Variants in QNG1 observed in about 807,000 individuals in gnomAD.
QNG1 encodes the protein Q-nucleotide N-glycosylase 1, also known as queuosine 5'-phosphate N-glycosylase/hydrolase.
chr9:83,955,464 G>C, the QNG1 span: 6 of 1,613,980 alleles, frequency 3.7e-6, no homozygotes, highest in Middle Eastern at 1.6e-4. Context: ...TCACTTTCTC[G>C]GACGCAGTTG....
the QNG1 span, chr9:83,939,472 A>G: frequency 7.3e-7 from 1 of 1,368,234 alleles, no homozygotes. Context: ...TATGATATAA[A>G]ACGCAGGGGG....
chr9:83,953,794 G>C, the QNG1 span: 1 of 1,548,468 alleles, frequency 6.5e-7, no homozygotes, highest in Non-Finnish European at 8.7e-7. Context: ...ACAAAATCCG[G>C]GTGCAGCCTG....
the QNG1 span, among the ~76,000 whole-genome samples, chr9:83,940,271 G>C: frequency 6.6e-6 from 1 of 151,950 alleles, no homozygotes; most frequent in Non-Finnish European, 1.5e-5. Context: ...CAGGCATGGT[G>C]GTATGTGCCT....
the QNG1 span, among the ~76,000 whole-genome samples, chr9:83,949,697 T>G: frequency 1.3e-5 from 2 of 151,736 alleles, no homozygotes; most frequent in Non-Finnish European, 2.9e-5. Flanking sequence ...ACATAAGACT[T>G]AACTTATAAA....
the QNG1 span, among the ~76,000 whole-genome samples, chr9:83,950,866 T>C: frequency 6.6e-6 from 1 of 152,108 alleles, no homozygotes; most frequent in Non-Finnish European, 1.5e-5. Flanking sequence ...CTCCCAAGGT[T>C]CTAGGATTAC....
the QNG1 span, among the ~76,000 whole-genome samples, chr9:83,949,030 A>G: frequency 4.1e-5 from 5 of 121,078 alleles, no homozygotes; most frequent in East Asian, 1.1e-3. Context: ...CCTTCCCTCC[A>G]CTATTGTCGA....
At chr9:83,943,424 C>T in the QNG1 span, among the ~76,000 whole-genome samples, 1 of 144,690 alleles carries the variant, frequency 6.9e-6, no homozygotes, top group Admixed American at 7.0e-5. Context: ...ACAGTGTGTA[C>T]AAAACAAAAA....
chr9:83,944,916 C>G, the QNG1 span: 2 of 1,613,984 alleles, frequency 1.2e-6, no homozygotes, highest in African/African-American at 2.7e-5. Context: ...GCAGCCATCT[C>G]CTTTTCCTTC....
chr9:83,952,947 G>C, the QNG1 span, among the ~76,000 whole-genome samples: 2 of 149,274 alleles, frequency 1.3e-5, no homozygotes, highest in Admixed American at 6.7e-5. Context: ...GTGACAGAGT[G>C]AGACTCTGTC....
At chr9:83,955,729 A>G in the QNG1 span, 1 of 1,252,892 alleles carries the variant, frequency 8.0e-7, no homozygotes, top group Non-Finnish European at 1.1e-6. Flanking sequence ...TTAATATGAA[A>G]CCAAATGAGT....
chr9:83,947,783 G>A, the QNG1 span, among the ~76,000 whole-genome samples: 1 of 152,344 alleles, frequency 6.6e-6, no homozygotes, highest in South Asian at 2.1e-4. Flanking sequence ...CCGAGGTGCC[G>A]GGATTGCAGA....
the QNG1 span, among the ~76,000 whole-genome samples, chr9:83,951,661 G>GT: frequency 2.0e-5 from 3 of 152,294 alleles, no homozygotes; most frequent in East Asian, 1.9e-4. Flanking sequence ...CACAGTAACA[G>GT]TAATAGTCAT....
At chr9:83,955,712 C>A in the QNG1 span, 2 of 1,432,844 alleles carry the variant, frequency 1.4e-6, no homozygotes, top group South Asian at 1.2e-5. Flanking sequence ...GCTTTTACAA[C>A]ATGGAATTAA....
the QNG1 span, chr9:83,956,270 G>C: frequency 9.3e-6 from 15 of 1,614,034 alleles, no homozygotes; most frequent in Middle Eastern, 3.3e-4. Context: ...CCGACCAAAA[G>C]GAGAAGTTGA....
the QNG1 span, among the ~76,000 whole-genome samples, chr9:83,951,237 G>A: frequency 1.3e-5 from 2 of 151,336 alleles, no homozygotes; most frequent in Admixed American, 6.6e-5. Flanking sequence ...GCCATTGCAC[G>A]CCAGCAAGAC....
At chr9:83,940,056 ATGAC>A in the QNG1 span, among the ~76,000 whole-genome samples, 1 of 152,164 alleles carries the variant, frequency 6.6e-6, no homozygotes, top group Non-Finnish European at 1.5e-5. Flanking sequence ...ATTTAAAACT[ATGAC>A]TGCTAGTTAT....
the QNG1 span, among the ~76,000 whole-genome samples, chr9:83,945,534 C>T: frequency 1.3e-5 from 2 of 152,102 alleles, no homozygotes; most frequent in South Asian, 2.1e-4. Context: ...AATCTTGATA[C>T]TACTTACTAT....
chr9:83,950,750 C>A, the QNG1 span, among the ~76,000 whole-genome samples: 1 of 151,896 alleles, frequency 6.6e-6, no homozygotes, highest in South Asian at 2.1e-4. Flanking sequence ...TAGGTGTTCA[C>A]CACCAAGGCC....
the QNG1 span, among the ~76,000 whole-genome samples, chr9:83,946,736 C>T: frequency 1.3e-5 from 2 of 152,044 alleles, no homozygotes; most frequent in Non-Finnish European, 2.9e-5. Context: ...CACGGCGAAA[C>T]CCTGTCTCTA....
Sources: gnomAD v4.1 joint callset for allele counts (sites outside exome capture counted in the v4.1 genomes callset) on GRCh38, gnomAD v4.1.1 for gene constraint, MANE v1.5 for transcripts, NCBI Gene and HGNC (gene_info 2026-07-23, HGNC 2026-07-21) for gene names.